Variants in TMX1 observed in about 807,000 individuals in gnomAD.
TMX1 encodes thioredoxin-related transmembrane protein 1.
Under a neutral mutation model 36.6 loss-of-function variants are expected in TMX1, and 25 were observed. The observed-to-expected ratio is 0.68, with a 90% CI of 0.50 to 0.95. The LOEUF (loss-of-function observed/expected upper bound fraction) is 0.95, where lower values mean the gene tolerates loss of function less well. Ranked by LOEUF, TMX1 falls within the 40% of genes least tolerant of loss-of-function variation. The pLI is 0.00. For missense variants in TMX1, 347 were observed against 339.6 expected (o/e 1.02, Z -0.17); for synonymous variants, 133 against 118.0 (o/e 1.13, Z -0.82).
intron 7 of TMX1, among the ~76,000 whole-genome samples, chr14:51,251,233 G>A (rs1314589702): frequency 2.0e-5 from 3 of 152,172 alleles, no homozygotes; most frequent in Non-Finnish European, 2.9e-5. Context: ...AGTAGAAACC[G>A]TACTTTAAAT....
chr14:51,253,239 C>T (rs778788281), intron 7 of TMX1, among the ~76,000 whole-genome samples: 1 of 152,146 alleles, frequency 6.6e-6, no homozygotes, highest in Non-Finnish European at 1.5e-5. Context: ...TTCTACTTGC[C>T]AATAGCACTG....
intron 7 of TMX1, among the ~76,000 whole-genome samples, chr14:51,253,289 G>A (rs1043655304): frequency 1.3e-5 from 2 of 152,216 alleles, no homozygotes; most frequent in Non-Finnish European, 2.9e-5. Flanking sequence ...TCTAGACATT[G>A]TTAAGTGTTC....
At chr14:51,245,786 T>G (rs2065782914) in intron 3 of TMX1, 1 of 302,454 alleles carries the variant, frequency 3.3e-6, no homozygotes, top group African/African-American at 2.2e-5. Context: ...GAGGACAATC[T>G]CATAAACAGT....
intron 4 of TMX1, among the ~76,000 whole-genome samples, chr14:51,247,980 A>G (rs867946719): frequency 1.3e-5 from 2 of 152,258 alleles, no homozygotes; most frequent in South Asian, 2.1e-4. Context: ...AATTAATTAC[A>G]TAAACTTCAA....
At chr14:51,247,489 T>C (rs2065791498) in intron 4 of TMX1, among the ~76,000 whole-genome samples, 1 of 151,584 alleles carries the variant, frequency 6.6e-6, no homozygotes, top group South Asian at 2.1e-4. Flanking sequence ...CCCGAGTAGC[T>C]GGGACTACAG....
chr14:51,243,359 A>G (rs908666153), intron 1 of TMX1, among the ~76,000 whole-genome samples: 16 of 152,348 alleles, frequency 1.1e-4, no homozygotes, highest in Middle Eastern at 3.4e-3. Flanking sequence ...TTAAATATGA[A>G]TAGCCAGCCT....
rs760935908 is a variant in TMX1 at position 51,240,315 on chromosome 14, C to T, written c.23C>T (p.Ala8Val). The T allele has an allele frequency of 6.2e-7, 1 of 1,612,802 alleles. No homozygotes were observed. The highest frequency in any genetic ancestry group is 8.5e-7 in the Non-Finnish European group (1 of 1,179,940). The change falls in exon 1 of 8, where the codon GCA (alanine) becomes GTA (valine). Residue 8 changes from alanine to valine, a missense_variant. Coordinates refer to ENST00000457354, the MANE Select transcript of TMX1 (RefSeq NM_030755.5). MAPSGSL[A>V]VPLAVLVLLL... ...GAAATGGCGCCCTCCGGGAGTCTTG[C>T]AGTTCCCCTGGCAGTCCTGGTGCTG... is the stretch of plus-strand genomic sequence containing the variant.
intron 4 of TMX1, among the ~76,000 whole-genome samples, chr14:51,248,336 G>T (rs1174242006): frequency 5.3e-5 from 8 of 152,194 alleles, no homozygotes; most frequent in African/African-American, 1.9e-4. Context: ...GGAGGATAGG[G>T]AGTTGGGACA....
chr14:51,247,623 C>T (rs956753985), intron 4 of TMX1, among the ~76,000 whole-genome samples: 4 of 152,156 alleles, frequency 2.6e-5, no homozygotes, highest in Non-Finnish European at 4.4e-5. Context: ...TCCCAGAGTG[C>T]TGGGATTACA....
intron 4 of TMX1, among the ~76,000 whole-genome samples, chr14:51,247,460 C>G (rs1431585326): frequency 6.6e-6 from 1 of 151,028 alleles, no homozygotes; most frequent in African/African-American, 2.4e-5. Flanking sequence ...GGGTTCACGC[C>G]ATTCTCCTGC....
intron 7 of TMX1, among the ~76,000 whole-genome samples, chr14:51,251,083 T>C (rs1363981352): frequency 6.6e-6 from 1 of 152,218 alleles, no homozygotes; most frequent in Non-Finnish European, 1.5e-5. Flanking sequence ...TCACCAACTT[T>C]TAAATTGTGA....
chr14:51,253,366 G>T (rs1345034485), intron 7 of TMX1, among the ~76,000 whole-genome samples: 1 of 152,210 alleles, frequency 6.6e-6, no homozygotes, highest in Non-Finnish European at 1.5e-5. Flanking sequence ...CACCAGGACC[G>T]CCTGGGGTGT....
rs2065824401 is a variant in TMX1, at chr14:51,253,516, C to G, written c.665-825C>G. On this transcript the variant is annotated intron_variant, in intron 7 of 7. Coordinates refer to ENST00000457354, the MANE Select transcript of TMX1 (RefSeq NM_030755.5). Reference sequence around the variant, plus strand: ...ATCCTTCCTTGCGGGTGTCCCCTCCCTGGCCCCACCATTCTTGATTGCCTA... The same window carrying G: ...ATCCTTCCTTGCGGGTGTCCCCTCCGTGGCCCCACCATTCTTGATTGCCTA... 2.6e-5 allele frequency among the ~76,000 whole-genome samples: 4 copies of G among 152,220 alleles called. No individual in the cohort carries two copies. In the South Asian group the frequency reaches 6.2e-4, roughly 24 times the overall value.
rs1236933645 is a variant in TMX1, at chr14:51,256,858, G to T, written c.*2339G>T. ...GGTGTGGTACAAATAGGTAAAATTT[G>T]AATCTAATTCTTGTTCCAAATCTTT... On this transcript the variant is annotated 3_prime_UTR_variant, in exon 8 of 8. Coordinates refer to ENST00000457354, the MANE Select transcript of TMX1 (RefSeq NM_030755.5). 1.3e-5 allele frequency: 2 copies of T among 152,088 alleles called. No homozygotes were observed. The highest frequency in any genetic ancestry group is 1.5e-5 in the Non-Finnish European group (1 of 68,024). The allele number at this position is 152,088 out of a possible 1,614,324, so 9.4% of individuals were successfully genotyped here.
At chr14:51,245,627 G>C in intron 3 of TMX1, 1 of 641,406 alleles carries the variant, frequency 1.6e-6, no homozygotes, top group Non-Finnish European at 2.5e-6. Context: ...AGCGTGTTAA[G>C]TCATTATGCA....
intron 4 of TMX1, among the ~76,000 whole-genome samples, chr14:51,248,499 T>G (rs1002681856): frequency 4.6e-5 from 7 of 152,252 alleles, no homozygotes; most frequent in Non-Finnish European, 1.0e-4. Flanking sequence ...GGCTATACAG[T>G]GCTTTATGTT....
At position 51,248,123 on chromosome 14, in the gene TMX1, G is replaced by A. The variant is rs556321611; in HGVS notation, c.443+903G>A. Among the ~76,000 whole-genome samples the A allele has an allele frequency of 3.3e-5, 5 of 152,316 alleles. No individual in the cohort carries two copies. The East Asian group carries it at 9.6e-4, about 29-fold the overall frequency. ...CACTGAGCTTTATAGATATCTAGAG[G>A]GTAGATGAATTTCCTCGTAGCAACT... is the stretch of plus-strand genomic sequence containing the variant. On this transcript the variant is annotated intron_variant, in intron 4 of 7. Transcript: ENST00000457354.
Position 51,253,169 on chromosome 14 carries a change from G to A in TMX1, c.665-1172G>A, listed in dbSNP as rs184136447. ...AGCCTTGACACTATTGACGTTTTTG[G>A]CCAGATGATTCTTAGTTGTGATGGA... On this transcript the variant is annotated intron_variant, in intron 7 of 7. Coordinates refer to ENST00000457354, the MANE Select transcript of TMX1 (RefSeq NM_030755.5). Among the ~76,000 whole-genome samples the A allele has an allele frequency of 1.3e-3, 192 of 152,206 alleles. 1 individual carries two copies. Among genetic ancestry groups the A allele is most frequent in the Non-Finnish European group, 2.2e-3 (152 of 68,010 alleles).
At position 51,240,359 on chromosome 14, in the gene TMX1, T is replaced by C; in HGVS notation, c.67T>C (p.Trp23Arg). Residue 23 changes from tryptophan to arginine, a missense_variant, in exon 1 of 8, where the codon TGG becomes CGG. By Grantham distance (101) the Trp-to-Arg change is moderately radical. Transcript: ENST00000457354. Reference sequence around the variant, plus strand: ...GGTGCTGTTGCTTTGGGGTGCTCCCTGGACGCACGGGCGGCGGAGCAACGT... The same window carrying C: ...GGTGCTGTTGCTTTGGGGTGCTCCCCGGACGCACGGGCGGCGGAGCAACGT... ...VLVLLLWGAP[W>R]THGRRSNVRV... The C allele has an allele frequency of 1.2e-6, 2 of 1,614,036 alleles. No individual in the cohort carries two copies. The highest frequency in any genetic ancestry group is 1.1e-5 in the South Asian group (1 of 91,076).
Sources: gnomAD v4.1 joint callset for allele counts (sites outside exome capture counted in the v4.1 genomes callset) on GRCh38, gnomAD v4.1.1 for gene constraint, MANE v1.5 for transcripts, NCBI Gene and HGNC (gene_info 2026-07-23, HGNC 2026-07-21) for gene names.